PDS5A: variants seen among roughly 807,000 people sequenced by gnomAD.
PDS5A encodes PDS5 cohesin associated factor A.
Under a neutral mutation model 167.1 loss-of-function variants are expected in PDS5A, and 42 were observed. That is an observed-to-expected ratio of 0.25 (90% CI 0.20 to 0.33). The LOEUF (loss-of-function observed/expected upper bound fraction) is 0.33, where lower values mean the gene tolerates loss of function less well. PDS5A is among the 10% of genes least tolerant of loss of function. The probability of loss-of-function intolerance (pLI) is 1.00; values close to 1 mark genes in which losing one functional copy is unlikely to be tolerated. For missense variants in PDS5A, 1,033 were observed against 1,605.9 expected, an observed-to-expected ratio of 0.64 and a Z score of 6.10; for synonymous variants, 553 against 554.6, an observed-to-expected ratio of 1.00 and a Z score of 0.04.
At chr4:39,920,170 T>C (rs769675066) in intron 7 of PDS5A, 149 bp downstream of exon 7, 11 of 375,918 alleles carry the variant, frequency 2.9e-5, no homozygotes, top group African/African-American at 6.3e-5. Context: ...ATGAAACTTA[T>C]GCTGCATTTC....
At chr4:39,929,446 T>G (rs1488057434) in intron 2 of PDS5A, among the ~76,000 whole-genome samples, 1 of 150,146 alleles carries the variant, frequency 6.7e-6, no homozygotes, top group African/African-American at 2.5e-5. Context: ...GTTTTGGGAC[T>G]CGGACTGGCT....
chr4:39,968,850 A>T (rs1488249707), intron 2 of PDS5A, among the ~76,000 whole-genome samples: 2 of 150,128 alleles, frequency 1.3e-5, no homozygotes, highest in African/African-American at 4.9e-5. Flanking sequence ...ATCTCGGCTC[A>T]CTGCAACCTC....
At chr4:39,942,761 C>T (rs183305817) in intron 2 of PDS5A, among the ~76,000 whole-genome samples, 1 of 152,218 alleles carries the variant, frequency 6.6e-6, no homozygotes, top group Non-Finnish European at 1.5e-5. Context: ...CTCCTTCGTA[C>T]TGGAAACACT....
rs1416500234 is a variant in PDS5A, at chr4:39,866,878, T to A, written c.2625A>T (p.Thr875=). The A allele has an allele frequency of 6.2e-7, 1 of 1,611,442 alleles. No individual in the cohort carries two copies. The highest frequency in any genetic ancestry group is 1.3e-5 in the African/African-American group (1 of 74,800). The part of the protein sequence containing the change: ...SAMLVSEGDL[T]EQKRISKSDM... ...AATCTCACCTGATCCTCTTTTGCTCTGTCAGGTCACCCTCACTAACCAACA... is the reference window on the plus strand; with the variant it reads ...AATCTCACCTGATCCTCTTTTGCTCAGTCAGGTCACCCTCACTAACCAACA... Residue 875 remains threonine (T), a synonymous_variant, in exon 23 of 33, where the codon ACA becomes ACT. Transcript: ENST00000303538.
intron 17 of PDS5A, among the ~76,000 whole-genome samples, chr4:39,884,591 A>T (rs570510104): frequency 1.3e-5 from 2 of 152,228 alleles, no homozygotes; most frequent in East Asian, 3.9e-4. Flanking sequence ...CCATTCGATG[A>T]TTCTTAGTAT....
rs775394993 is a variant in PDS5A at position 39,841,997 on chromosome 4, C to A, written c.3608G>T (p.Arg1203Met). 1 of 1,609,494 alleles carries A rather than the reference C, an allele frequency of 6.2e-7. No individual in the cohort carries two copies. The highest frequency in any genetic ancestry group is 8.5e-7 in the Non-Finnish European group (1 of 1,176,004). ...CTTTACAGGTGTGACTGAAATAATC[C>A]TCACAGGGTTCTCTTCATTTTCACT... Reference protein sequence around the residue: ...GVSENEENPVRIISVTPVKNI... With the variant: ...GVSENEENPVMIISVTPVKNI... Residue 1203 changes from arginine to methionine, a missense_variant, in exon 31 of 33, where the codon AGG becomes ATG. Physicochemically the swap from Arg to Met is moderately conservative, Grantham distance 91. Around this residue, in one of 4 missense-constraint regions of PDS5A, gnomAD observed 233 missense variants for 264.0 expected, o/e 0.88. Transcript: ENST00000303538.
At chr4:39,900,250 TTGTTA>T (rs1177080417) in intron 14 of PDS5A, among the ~76,000 whole-genome samples, 171 bp downstream of exon 14, 2 of 152,236 alleles carry the variant, frequency 1.3e-5, no homozygotes, top group Admixed American at 1.3e-4. Context: ...AAATAAGAGT[TTGTTA>T]TATTTATTTT....
At chr4:39,951,960 G>T (rs1481809566) in intron 2 of PDS5A, among the ~76,000 whole-genome samples, 1 of 150,146 alleles carries the variant, frequency 6.7e-6, no homozygotes, top group Non-Finnish European at 1.5e-5. Flanking sequence ...AACACTGTGT[G>T]GAAAAACACA....
At chr4:39,932,173 A>G (rs1221526698) in intron 2 of PDS5A, among the ~76,000 whole-genome samples, 1 of 152,164 alleles carries the variant, frequency 6.6e-6, no homozygotes, top group East Asian at 1.9e-4. Context: ...GATTACAGGC[A>G]TGAGCCTCCA....
At chr4:39,869,582 C>A (rs1719845143) in intron 21 of PDS5A, 120 bp from the exon 22 acceptor site, 1 of 685,898 alleles carries the variant, frequency 1.5e-6, no homozygotes, top group Non-Finnish European at 2.6e-6. Flanking sequence ...CATCACCAAC[C>A]AGAGCTTGGA....
intron 8 of PDS5A, among the ~76,000 whole-genome samples, 168 bp downstream of exon 8, chr4:39,916,880 A>G (rs935282610): frequency 9.9e-5 from 15 of 152,160 alleles, no homozygotes; most frequent in Admixed American, 4.6e-4. Flanking sequence ...AAAAGAAAAA[A>G]AAAGATAAAT....
At chr4:39,847,548 G>A (rs1717721566) in intron 28 of PDS5A, 1 of 151,824 alleles carries the variant, frequency 6.6e-6, no homozygotes, top group Non-Finnish European at 1.5e-5. Context: ...AGGCTGCAGT[G>A]AGCCAAGATC....
intron 32 of PDS5A, among the ~76,000 whole-genome samples, chr4:39,829,761 C>A (rs969703875): frequency 6.6e-6 from 1 of 151,822 alleles, no homozygotes; most frequent in South Asian, 2.1e-4. Flanking sequence ...ACCATCCTGG[C>A]TAACACGGTG....
chr4:39,867,733 A>AAC (rs142147688), intron 22 of PDS5A, among the ~76,000 whole-genome samples: 7,532 of 130,544 alleles, frequency 0.058, 247 homozygotes, highest in African/African-American at 0.13. Context: ...AAAAAACCAA[A>AAC]ACACACACAC....
At chr4:39,854,908 G>A (rs1010802130) in intron 26 of PDS5A, among the ~76,000 whole-genome samples, 5 of 152,050 alleles carry the variant, frequency 3.3e-5, no homozygotes, top group Non-Finnish European at 7.4e-5. Flanking sequence ...ACGAATAATT[G>A]TTTTCTTCTT....
intron 32 of PDS5A, among the ~76,000 whole-genome samples, chr4:39,836,462 T>C (rs922715567): frequency 2.0e-5 from 3 of 151,968 alleles, no homozygotes; most frequent in African/African-American, 7.3e-5. Context: ...TGAGATGGAG[T>C]CTCGCTTTGT....
intron 29 of PDS5A, among the ~76,000 whole-genome samples, 192 bp from the exon 30 acceptor site, chr4:39,844,993 A>G (rs915406106): frequency 6.6e-6 from 1 of 152,176 alleles, no homozygotes; most frequent in African/African-American, 2.4e-5. Flanking sequence ...GGATCACTTG[A>G]GGCCATGAGT....
chr4:39,973,561 G>C, intron 2 of PDS5A: 2 of 1,234,616 alleles, frequency 1.6e-6, no homozygotes, highest in Non-Finnish European at 2.4e-6. Context: ...GGCTATGATG[G>C]AGGGTGGTCA....
intron 13 of PDS5A, 56 bp downstream of exon 13, chr4:39,902,291 G>T: frequency 1.3e-6 from 1 of 760,352 alleles, no homozygotes; most frequent in Non-Finnish European, 2.2e-6. Context: ...TAGATAAGAT[G>T]AAGTAATTTT....
Sources: gnomAD v4.1 joint callset for allele counts (sites outside exome capture counted in the v4.1 genomes callset) on GRCh38, gnomAD v4.1.1 for gene constraint, gnomAD v4.1.1 regional missense constraint, MANE v1.5 for transcripts, NCBI Gene and HGNC (gene_info 2026-07-23, HGNC 2026-07-21) for gene names.